BTN3A1: variants seen among roughly 807,000 people sequenced by gnomAD.
BTN3A1 encodes dJ45P21.3 (butyrophilin, subfamily 3, member A1).
A neutral mutation model predicts 43.0 loss-of-function variants in BTN3A1; 24 were observed. The ratio of observed to expected loss-of-function variants is 0.56; its 90% CI spans 0.40 to 0.78. The LOEUF is 0.78. BTN3A1 is among the 30% of genes least tolerant of loss of function. The probability of loss-of-function intolerance (pLI) is 0.00; values close to 1 mark genes in which losing one functional copy is unlikely to be tolerated. For synonymous variants in BTN3A1, 181 were observed against 234.7 expected, an observed-to-expected ratio of 0.77 and a Z score of 2.09; for missense variants, 533 against 626.2, an observed-to-expected ratio of 0.85 and a Z score of 1.59.
At chr6:26,409,431 C>T (rs1581628571) in intron 4 of BTN3A1, 102 bp from the exon 5 acceptor site, 1 of 1,092,174 alleles carries the variant, frequency 9.2e-7, no homozygotes, top group East Asian at 2.4e-5. Flanking sequence ...GAGATAGATT[C>T]CGTGCCCTGT....
At chr6:26,407,487 T>G (rs1762057691) in intron 3 of BTN3A1, among the ~76,000 whole-genome samples, 184 bp from the exon 4 acceptor site, 1 of 152,228 alleles carries the variant, frequency 6.6e-6, no homozygotes, top group Admixed American at 6.5e-5. Flanking sequence ...ATAGCCCCAC[T>G]GTTACTGACC....
Position 26,413,269 on chromosome 6 carries a change from C to A in BTN3A1, c.1119C>A (p.Asp373Glu). ...CCAAGGAGCCCCAGGATCTGCCAGACAACCCTGAGAGATTTAATTGGCATT... is the reference window on the plus strand; with the variant it reads ...CCAAGGAGCCCCAGGATCTGCCAGAAAACCCTGAGAGATTTAATTGGCATT... ...QRAKEPQDLPDNPERFNWHYC... is the reference protein window; with the variant it reads ...QRAKEPQDLPENPERFNWHYC... The change falls in exon 10 of 10, where the codon GAC becomes GAA. Residue 373 changes from aspartate to glutamate, a missense_variant. Coordinates refer to ENST00000289361, the MANE Select transcript of BTN3A1 (RefSeq NM_007048.6). 4 of 1,614,212 alleles carry A rather than the reference C, an allele frequency of 2.5e-6. No individual in the cohort carries two copies. The highest frequency in any genetic ancestry group is 3.4e-6 in the Non-Finnish European group (4 of 1,180,044).
At position 26,406,160 on chromosome 6, in the gene BTN3A1, A is replaced by C; in HGVS notation, c.337A>C (p.Ile113Leu). The C allele has an allele frequency of 1.3e-6, 2 of 1,509,812 alleles. No individual in the cohort carries two copies. The highest frequency in any genetic ancestry group is 2.3e-5 in the South Asian group (2 of 86,708). 93.5% of individuals were successfully genotyped at this position (1,509,812 alleles called of 1,614,324 possible). A position where few individuals can be genotyped will look rare whatever the true frequency, so the allele number is the denominator to read the frequency against. ...GITAGKAALR[I>L]HNVTASDSGK... ...CACTGCAGGGAAGGCTGCTCTCCGA[A>C]TACACAACGTCACAGCCTCTGACAG... is the stretch of plus-strand genomic sequence containing the variant. The change falls in exon 3 of 10, where the codon ATA (isoleucine) becomes CTA (leucine). Residue 113 changes from isoleucine to leucine, a missense_variant. Transcript: ENST00000289361.
chr6:26,409,778 AAAGCC>A lies in BTN3A1; in HGVS notation c.916+46_916+50del, dbSNP rs762946644. On this transcript the variant is annotated intron_variant, in intron 5 of 9. Coordinates refer to ENST00000289361, the MANE Select transcript of BTN3A1 (RefSeq NM_007048.6). Reference sequence around the variant, plus strand: ...TATCTGAGCCCCTGGCTTACGGGCCAAAGCCCAAAGACCTCACGCCCATCCCCACC... The same window carrying A: ...TATCTGAGCCCCTGGCTTACGGGCCACAAAGACCTCACGCCCATCCCCACC... The A allele has an allele frequency of 1.2e-5, 19 of 1,589,334 alleles. No individual in the cohort carries two copies. The South Asian group carries it at 1.9e-4, about 16-fold the overall frequency.
At chr6:26,412,249 G>A in intron 9 of BTN3A1, 1 of 586,536 alleles carries the variant, frequency 1.7e-6, no homozygotes, top group East Asian at 2.9e-5. Flanking sequence ...CTAGGGAGGG[G>A]AGGCAGTTAC....
In BTN3A1 at chr6:26,413,472, A is replaced by G. The variant is rs1422453448; in HGVS notation, c.1322A>G (p.Tyr441Cys). The change falls in exon 10 of 10, where the codon TAT (tyrosine) becomes TGT (cysteine). Residue 441 changes from tyrosine to cysteine, a missense_variant. This residue lies in a region of BTN3A1 where 415 missense variants were observed against 427.0 expected (regional missense o/e 0.97). Coordinates refer to ENST00000289361, the MANE Select transcript of BTN3A1 (RefSeq NM_007048.6). Reference protein sequence around the residue: ...WTMGLTDGNKYRTLTEPRTNL... With the variant: ...WTMGLTDGNKCRTLTEPRTNL... ...ATGGGGCTGACTGATGGGAATAAGT[A>G]TCGGACTCTAACTGAGCCCAGAACC... 3 of 1,614,166 alleles carry G rather than the reference A, an allele frequency of 1.9e-6. No homozygotes were observed. The highest frequency in any genetic ancestry group is 2.5e-6 in the Non-Finnish European group (3 of 1,180,026).
rs1762008477 is a variant in BTN3A1, at chr6:26,406,050, T to G, written c.227T>G (p.Val76Gly). 1 of 1,608,896 alleles carries G rather than the reference T, an allele frequency of 6.2e-7. No individual in the cohort carries two copies. The highest frequency in any genetic ancestry group is 8.5e-7 in the Non-Finnish European group (1 of 1,178,390). Reference sequence around the variant, plus strand: ...GTGAGTTCCAGCCTAAGGCAGGTGGTGAACGTGTATGCAGATGGAAAGGAA... The same window carrying G: ...GTGAGTTCCAGCCTAAGGCAGGTGGGGAACGTGTATGCAGATGGAAAGGAA... ...KWVSSSLRQV[V>G]NVYADGKEVE... Residue 76 changes from valine to glycine, a missense_variant, in exon 3 of 10, where the codon GTG becomes GGG. Transcript: ENST00000289361.
intron 4 of BTN3A1, among the ~76,000 whole-genome samples, chr6:26,409,038 A>G (rs1264362254): frequency 1.3e-5 from 2 of 152,142 alleles, no homozygotes. Flanking sequence ...AGAGAGGTTA[A>G]GTAATTAGTC....
chr6:26,408,340 A>G (rs1002210106), intron 4 of BTN3A1, among the ~76,000 whole-genome samples: 2 of 152,210 alleles, frequency 1.3e-5, no homozygotes, highest in African/African-American at 4.8e-5. Flanking sequence ...AAGGTCATAA[A>G]TTATTTAATT....
Position 26,409,992 on chromosome 6 carries a change from T to C in BTN3A1, c.938-14T>C. The C allele has an allele frequency of 2.5e-6, 4 of 1,614,194 alleles. No individual in the cohort carries two copies. The highest frequency in any genetic ancestry group is 1.7e-4 in the Middle Eastern group (1 of 6,060). ...TGCGCCTTGATGCATCTTCCCCTGT[T>C]CCTTCCGTTGCAGGATGGAGAAGTA... On this transcript the variant is annotated splice_polypyrimidine_tract_variant and intron_variant, in intron 6 of 9. Coordinates refer to ENST00000289361, the MANE Select transcript of BTN3A1 (RefSeq NM_007048.6).
chr6:26,404,112 T>A (rs928728972), intron 1 of BTN3A1: 1 of 152,088 alleles, frequency 6.6e-6, no homozygotes, highest in African/African-American at 2.4e-5. Flanking sequence ...TTCCTTTACA[T>A]CCCTCCCCAC....
intron 1 of BTN3A1, among the ~76,000 whole-genome samples, chr6:26,403,262 C>T (rs187167107): frequency 6.6e-6 from 1 of 151,946 alleles, no homozygotes; most frequent in Non-Finnish European, 1.5e-5. Flanking sequence ...TTCGGAGTTT[C>T]GCCATATTGT....
chr6:26,412,916 C>T lies in BTN3A1; in HGVS notation c.1019-253C>T, dbSNP rs181678970. 13 of 1,477,274 alleles carry T rather than the reference C, an allele frequency of 8.8e-6. No homozygotes were observed. The South Asian group carries it at 1.0e-4, about 11-fold the overall frequency. 91.5% of individuals were successfully genotyped at this position (1,477,274 alleles called of 1,614,324 possible). ...GGATCCTTGCTGCTTCCTGAGGCCG[C>T]GTCAGGGTATTGGGTTAGGCAGAGA... On this transcript the variant is annotated intron_variant, in intron 9 of 9. Coordinates refer to ENST00000289361, the MANE Select transcript of BTN3A1 (RefSeq NM_007048.6).
Position 26,406,118 on chromosome 6 carries a change from A to G in BTN3A1, c.295A>G (p.Ile99Val), listed in dbSNP as rs1762011915. Residue 99 changes from isoleucine to valine, a missense_variant, in exon 3 of 10, where the codon ATT becomes GTT. Transcript: ENST00000289361. ...QSAPYRGRTS[I>V]LRDGITAGKA... The stretch of plus-strand genomic sequence containing the variant: ...TGCACCGTATCGAGGGAGAACTTCG[A>G]TTCTGCGGGATGGCATCACTGCAGG... The G allele has an allele frequency of 6.3e-7, 1 of 1,577,698 alleles. No individual in the cohort carries two copies. The highest frequency in any genetic ancestry group is 8.6e-7 in the Non-Finnish European group (1 of 1,157,770).
At chr6:26,411,614 C>A (rs757907368) in intron 9 of BTN3A1, 33 bp downstream of exon 9, 4 of 1,604,576 alleles carry the variant, frequency 2.5e-6, no homozygotes, top group South Asian at 2.2e-5. Context: ...CCTGGACCAA[C>A]AACCTGAGGG....
rs112574152 is a variant in BTN3A1, at chr6:26,407,824, C to T, written c.587C>T (p.Ala196Val). 52 of 1,614,106 alleles carry T rather than the reference C, an allele frequency of 3.2e-5. No homozygotes were observed. The highest frequency in any genetic ancestry group is 2.7e-4 in the African/African-American group (20 of 74,928). Reference sequence around the variant, plus strand: ...CCGACTGTGGAAGCACCTGTGGTTGCAGACGGAGTGGGCCTGTATGCAGTA... The same window carrying T: ...CCGACTGTGGAAGCACCTGTGGTTGTAGACGGAGTGGGCCTGTATGCAGTA... Reference protein sequence around the residue: ...NIPTVEAPVVADGVGLYAVAA... With the variant: ...NIPTVEAPVVVDGVGLYAVAA... Residue 196 changes from alanine to valine, a missense_variant, in exon 4 of 10, where the codon GCA becomes GTA. Coordinates refer to ENST00000289361, the MANE Select transcript of BTN3A1 (RefSeq NM_007048.6).
chr6:26,403,877 A>AT (rs1761928490), intron 1 of BTN3A1, among the ~76,000 whole-genome samples: 1 of 152,182 alleles, frequency 6.6e-6, no homozygotes, highest in African/African-American at 2.4e-5. Context: ...CAGGAAAAAA[A>AT]ATATATCCTT....
Position 26,409,553 on chromosome 6 carries a change from C to T in BTN3A1, c.736C>T (p.Gln246Ter). 1 of 1,613,888 alleles carries T rather than the reference C, an allele frequency of 6.2e-7. No homozygotes were observed. Among genetic ancestry groups the T allele is most frequent in the Non-Finnish European group, 8.5e-7 (1 of 1,180,012 alleles). ...CACAGACCCCTTCTTCAGGAGCGCC[C>T]AGAGGTGGATCGCCGCCCTGGCAGG... ...SIADPFFRSA[Q>*]RWIAALAGTL... is the part of the protein sequence containing the mutation. The change falls in exon 5 of 10, where the codon CAG (glutamine) becomes TAG (stop). Residue 246 changes from glutamine to a stop codon, truncating the protein, a stop_gained. Transcript: ENST00000289361. LOFTEE classifies it high-confidence loss of function.
At chr6:26,405,859 T>G (rs1484380854) in intron 2 of BTN3A1, 50 bp from the exon 3 acceptor site, 1 of 1,613,028 alleles carries the variant, frequency 6.2e-7, no homozygotes, top group East Asian at 2.2e-5. Flanking sequence ...CTTCCTCTCA[T>G]GACCCCAACT....
Sources: gnomAD v4.1 joint callset for allele counts (sites outside exome capture counted in the v4.1 genomes callset) on GRCh38, gnomAD v4.1.1 for gene constraint, gnomAD v4.1.1 regional missense constraint, MANE v1.5 for transcripts, NCBI Gene and HGNC (gene_info 2026-07-23, HGNC 2026-07-21) for gene names.